OPHN1: variants seen among roughly 807,000 people sequenced by gnomAD.
OPHN1 encodes oligophrenin-1.
Under a neutral mutation model 60.7 loss-of-function variants are expected in OPHN1, and 11 were observed. That is an observed-to-expected ratio of 0.18 (90% CI 0.11 to 0.30). The LOEUF (loss-of-function observed/expected upper bound fraction) is 0.30, where lower values mean the gene tolerates loss of function less well. OPHN1 is among the 10% of genes least tolerant of loss of function. The pLI is 1.00. For synonymous variants in OPHN1, 226 were observed against 222.6 expected (o/e 1.02, Z -0.14); for missense variants, 449 against 611.0 (o/e 0.73, Z 2.80).
intron 2 of OPHN1, among the ~76,000 whole-genome samples, chrX:68,423,964 C>T (rs2078842434): frequency 1.8e-5 from 2 of 110,804 alleles, no homozygotes; most frequent in South Asian, 7.6e-4. Context: ...GTCAGGAGTT[C>T]GACACCAGTC....
intron 5 of OPHN1, among the ~76,000 whole-genome samples, chrX:68,273,970 T>C (rs1188042865): frequency 8.9e-6 from 1 of 111,943 alleles, no homozygotes; most frequent in African/African-American, 3.2e-5. Context: ...ACATCTTACA[T>C]GGCCAGAGCA....
At position 68,318,715 on chromosome X, in the gene OPHN1, C is replaced by G. The variant is rs988049628; in HGVS notation, c.155-19619G>C. ...GATTTCCTTGGTTTTTACCTAAGGT[C>G]TTTTTACTTTTCCAAATCCCATCCA... is the stretch of plus-strand genomic sequence containing the variant. On this transcript the variant is annotated intron_variant, in intron 2 of 24. Transcript: ENST00000355520. Among the ~76,000 whole-genome samples the G allele has an allele frequency of 2.7e-5, 3 of 111,388 alleles. 1 individual carries two copies. The highest frequency in any genetic ancestry group is 5.7e-5 in the Non-Finnish European group (3 of 53,084).
chrX:68,397,789 C>T (rs1314225060), intron 2 of OPHN1, among the ~76,000 whole-genome samples: 1 of 110,821 alleles, frequency 9.0e-6, no homozygotes, highest in African/African-American at 3.3e-5. Flanking sequence ...TCCCAAAGTG[C>T]TGGGATTATA....
At chrX:68,226,277 G>T (rs1026535430) in intron 6 of OPHN1, among the ~76,000 whole-genome samples, 1 of 111,815 alleles carries the variant, frequency 8.9e-6, no homozygotes, top group Admixed American at 9.5e-5. Flanking sequence ...AAGTGACGGC[G>T]AGAATGGAAC....
At chrX:68,205,166 T>C (rs1267845788) in intron 10 of OPHN1, among the ~76,000 whole-genome samples, 3 of 111,221 alleles carry the variant, frequency 2.7e-5, no homozygotes, top group African/African-American at 9.8e-5. Context: ...AAAAGCACAG[T>C]AACTGGCACC....
chrX:68,280,887 C>T (rs2078016443), intron 4 of OPHN1, among the ~76,000 whole-genome samples: 1 of 110,567 alleles, frequency 9.0e-6, no homozygotes, highest in Non-Finnish European at 1.9e-5. Flanking sequence ...TAGCAAAATA[C>T]ATAAAATATC....
intron 2 of OPHN1, among the ~76,000 whole-genome samples, chrX:68,342,731 C>G (rs774395878): frequency 2.7e-5 from 3 of 110,874 alleles, no homozygotes; most frequent in Non-Finnish European, 5.7e-5. Flanking sequence ...CGCTTGAACC[C>G]AGGAGTTTGA....
At chrX:68,236,339 CGATAA>C (rs2147526363) in intron 5 of OPHN1, among the ~76,000 whole-genome samples, 1 of 111,574 alleles carries the variant, frequency 9.0e-6, no homozygotes, top group African/African-American at 3.2e-5. Flanking sequence ...CACCAAGGAC[CGATAA>C]GATTCTGTGG....
intron 19 of OPHN1, among the ~76,000 whole-genome samples, chrX:68,095,402 G>C (rs1365231679): frequency 8.9e-6 from 1 of 112,136 alleles, no homozygotes; most frequent in Non-Finnish European, 1.9e-5. Context: ...CTAAGTAGTT[G>C]TGACAGAAAT....
At chrX:68,257,852 C>A (rs764912062) in intron 5 of OPHN1, among the ~76,000 whole-genome samples, 4 of 110,931 alleles carry the variant, frequency 3.6e-5, no homozygotes, top group African/African-American at 1.3e-4. Context: ...TAGGGAGATA[C>A]ATGCTCTTGA....
chrX:68,068,422 G>A (rs1241514984), intron 20 of OPHN1, among the ~76,000 whole-genome samples: 2 of 89,608 alleles, frequency 2.2e-5, no homozygotes, highest in Non-Finnish European at 4.2e-5. Flanking sequence ...AGTGAGCTGA[G>A]ATCGCGCCAT....
intron 3 of OPHN1, among the ~76,000 whole-genome samples, chrX:68,287,850 C>A (rs2078052634): frequency 8.9e-6 from 1 of 112,164 alleles, no homozygotes; most frequent in South Asian, 3.7e-4. Flanking sequence ...TTGGAAATTT[C>A]TGCCAGTGTT....
intron 2 of OPHN1, among the ~76,000 whole-genome samples, chrX:68,317,376 AAAGGAAGGAAGGAAGGAAGGAAGG>A (rs771749142): frequency 2.0e-5 from 1 of 50,590 alleles, no homozygotes; most frequent in South Asian, 1.0e-3. Flanking sequence ...AGAAAGAAAG[AAAGGAAGGAAGGAAGGAAGGAAGG>A]AAGGAAGGAA....
intron 2 of OPHN1, among the ~76,000 whole-genome samples, chrX:68,426,178 C>T (rs2078854541): frequency 9.0e-6 from 1 of 110,984 alleles, no homozygotes; most frequent in African/African-American, 3.2e-5. Flanking sequence ...CAGTGTCTCA[C>T]GCCTGTAATC....
chrX:68,330,745 A>G (rs2078290402), intron 2 of OPHN1, among the ~76,000 whole-genome samples: 1 of 109,851 alleles, frequency 9.1e-6, no homozygotes, highest in Non-Finnish European at 1.9e-5. Flanking sequence ...GTTGAAGTAC[A>G]TATAGTATGA....
intron 6 of OPHN1, among the ~76,000 whole-genome samples, chrX:68,214,597 A>G (rs2077599381): frequency 8.9e-6 from 1 of 112,208 alleles, no homozygotes; most frequent in Non-Finnish European, 1.9e-5. Context: ...CATCACCGCT[A>G]GCTTTCAACA....
At position 68,433,360 on chromosome X, in the gene OPHN1, G is replaced by A. The variant is rs772157165; in HGVS notation, c.-197C>T. 203 of 304,148 alleles carry A rather than the reference G, an allele frequency of 6.7e-4. 1 individual carries two copies. Among genetic ancestry groups the A allele is most frequent in the Admixed American group, 5.1e-3 (90 of 17,617 alleles). 25.1% of individuals were successfully genotyped at this position (304,148 alleles called of 1,213,427 possible). On this transcript the variant is annotated 5_prime_UTR_variant, in exon 1 of 25. Transcript: ENST00000355520. ...AAAACCGCAGCCCGACTTGCCTCCG[G>A]AGACGGGCCGGATCCTTCCTGAGCA...
At chrX:68,152,963 C>A (rs1372883239) in intron 15 of OPHN1, among the ~76,000 whole-genome samples, 1 of 109,498 alleles carries the variant, frequency 9.1e-6, no homozygotes, top group Admixed American at 9.7e-5. Flanking sequence ...GTAATCCCAG[C>A]ACTTTGGGAG....
intron 6 of OPHN1, among the ~76,000 whole-genome samples, chrX:68,219,956 C>A (rs1258643919): frequency 1.2e-5 from 1 of 85,421 alleles, no homozygotes; most frequent in African/African-American, 4.2e-5. Context: ...GAAATAGAGA[C>A]ACAAAAAACC....
Sources: allele counts gnomAD v4.1 joint callset (sites outside exome capture counted in the v4.1 genomes callset), GRCh38; gene constraint gnomAD v4.1.1; transcripts MANE v1.5; gene names NCBI Gene and HGNC (gene_info 2026-07-23, HGNC 2026-07-21).